EBF3: variants seen among roughly 807,000 people sequenced by gnomAD.
The protein encoded by EBF3 is EBF transcription factor 3.
A neutral mutation model predicts 77.1 loss-of-function variants in EBF3; 18 were observed. The observed-to-expected ratio is 0.23, with a 90% CI of 0.16 to 0.35. EBF3 has a LOEUF of 0.35. Ranked by LOEUF, EBF3 falls within the 10% of genes least tolerant of loss-of-function variation. EBF3 has a pLI of 1.00. For missense variants in EBF3, 558 were observed against 860.0 expected, an observed-to-expected ratio of 0.65 and a Z score of 4.39; for synonymous variants, 350 against 343.5, an observed-to-expected ratio of 1.02 and a Z score of -0.21.
At position 129,848,372 on chromosome 10, in the gene EBF3, C is replaced by T; in HGVS notation, c.1128+20G>A. 4 of 1,613,176 alleles carry T rather than the reference C, an allele frequency of 2.5e-6. No individual in the cohort carries two copies. The highest frequency in any genetic ancestry group is 3.4e-6 in the Non-Finnish European group (4 of 1,179,158). On this transcript the variant is annotated intron_variant, in intron 11 of 16. Transcript: ENST00000440978. The surrounding 1 kb of genome is among the most constrained non-coding windows in gnomAD (Gnocchi z 4.4). ...TGGCGGCCCCACCATGAGCGGGGTG[C>T]CACTTGCTCTTTTACTAACCTTGGG...
rs1491498662 is a variant in EBF3, at chr10:129,835,860, AAC to A, written c.*2081_*2082del. The stretch of plus-strand genomic sequence containing the variant: ...TGCAAAGGAGAAAGAAAAAAAAAAA[AAC>A]ACCTGACACTTTTGGTCTCACTGTG... On this transcript the variant is annotated 3_prime_UTR_variant, in exon 17 of 17. Transcript: ENST00000440978. The A allele has an allele frequency of 4.6e-5, 7 of 152,502 alleles. No homozygotes were observed. Among genetic ancestry groups the A allele is most frequent in the African/African-American group, 1.4e-4 (6 of 41,380 alleles). The allele number at this position is 152,502 out of a possible 1,614,324, so 9.4% of individuals were successfully genotyped here.
At chr10:129,875,576 T>G (rs1317925455) in intron 7 of EBF3, among the ~76,000 whole-genome samples, 2 of 152,326 alleles carry the variant, frequency 1.3e-5, no homozygotes, top group Middle Eastern at 3.4e-3. Context: ...CCAAATGCCC[T>G]CATCGGGGGC....
At chr10:129,876,307 C>T (rs533858674) in intron 7 of EBF3, among the ~76,000 whole-genome samples, 96 of 152,330 alleles carry the variant, frequency 6.3e-4, no homozygotes, top group African/African-American at 2.2e-3. Context: ...TGCAGTCAAC[C>T]ACGAGATCAC....
At chr10:129,895,861 T>C (rs548036575) in intron 6 of EBF3, among the ~76,000 whole-genome samples, 2 of 152,258 alleles carry the variant, frequency 1.3e-5, no homozygotes, top group African/African-American at 4.8e-5. Flanking sequence ...TCAGGAGAGG[T>C]AATTAACTGT....
intron 6 of EBF3, among the ~76,000 whole-genome samples, chr10:129,912,183 C>T (rs1300918636): frequency 3.3e-5 from 5 of 152,164 alleles, no homozygotes; most frequent in Non-Finnish European, 7.3e-5. Flanking sequence ...CATGGAATAT[C>T]GCCCTCCACT....
chr10:129,895,142 C>T (rs1854280467), intron 6 of EBF3, among the ~76,000 whole-genome samples: 1 of 152,238 alleles, frequency 6.6e-6, no homozygotes, highest in Admixed American at 6.5e-5. Flanking sequence ...GCCGAGATTC[C>T]ATTCGTCCAT....
intron 5 of EBF3, among the ~76,000 whole-genome samples, chr10:129,958,562 C>G (rs960273564): frequency 6.6e-6 from 1 of 152,194 alleles, no homozygotes; most frequent in African/African-American, 2.4e-5. Flanking sequence ...TTATCAATAA[C>G]AGACAATTGT....
At chr10:129,945,541 G>T (rs575261061) in intron 6 of EBF3, among the ~76,000 whole-genome samples, 13 of 152,194 alleles carry the variant, frequency 8.5e-5, no homozygotes, top group Admixed American at 2.0e-4. Context: ...GGAACCTAAT[G>T]AGTTTACTAA....
intron 6 of EBF3, among the ~76,000 whole-genome samples, chr10:129,889,852 G>A (rs1853885660): frequency 6.7e-6 from 1 of 149,476 alleles, no homozygotes; most frequent in African/African-American, 2.5e-5. Context: ...ACATGCAGAG[G>A]CAGCCCCCGA....
In EBF3 at chr10:129,964,238, G is replaced by T. The variant is rs1859758904; in HGVS notation, c.-470C>A. 1.0e-6 allele frequency: 1 copy of T among 984,832 alleles called. No homozygotes were observed. The highest frequency in any genetic ancestry group is 1.2e-6 in the Non-Finnish European group (1 of 829,776). The allele number at this position is 984,832 out of a possible 1,614,324, so 61.0% of individuals were successfully genotyped here. On this transcript the variant is annotated 5_prime_UTR_variant, in exon 1 of 17. Coordinates refer to ENST00000440978, the MANE Select transcript of EBF3 (RefSeq NM_001375380.1). The surrounding 1 kb of genome is among the most constrained non-coding windows in gnomAD (Gnocchi z 4.5). ...CCTGGAGCGGCGCGCGCAGCGGACG[G>T]AGGCGCACAAAACTCAGCCCTCTCT...
At chr10:129,872,971 C>T (rs1400511944) in intron 8 of EBF3, among the ~76,000 whole-genome samples, 1 of 152,136 alleles carries the variant, frequency 6.6e-6, no homozygotes, top group Non-Finnish European at 1.5e-5. Context: ...ATTTCACCCC[C>T]TCCTCCTTGC....
chr10:129,892,830 G>A (rs926279679), intron 6 of EBF3, among the ~76,000 whole-genome samples: 1 of 152,204 alleles, frequency 6.6e-6, no homozygotes, highest in Non-Finnish European at 1.5e-5. Context: ...TGATGAAAAC[G>A]CTTTCCCAAT....
intron 6 of EBF3, among the ~76,000 whole-genome samples, chr10:129,919,863 T>A (rs1856146673): frequency 6.6e-6 from 1 of 152,160 alleles, no homozygotes; most frequent in Non-Finnish European, 1.5e-5. Flanking sequence ...GCCAGGAGTC[T>A]GCCCAGTGCC....
intron 6 of EBF3, among the ~76,000 whole-genome samples, chr10:129,917,847 C>T (rs1438419383): frequency 1.3e-5 from 2 of 152,214 alleles, no homozygotes; most frequent in South Asian, 2.1e-4. Flanking sequence ...TCAAGCTCCT[C>T]ATCTTTAAAA....
chr10:129,868,508 C>T (rs375114891), intron 8 of EBF3, among the ~76,000 whole-genome samples: 4 of 152,336 alleles, frequency 2.6e-5, no homozygotes, highest in Middle Eastern at 3.4e-3. Context: ...GGGATCCCCG[C>T]GCCGCTGGCG....
At chr10:129,874,949 C>T (rs1214886570) in intron 7 of EBF3, among the ~76,000 whole-genome samples, 6 of 152,006 alleles carry the variant, frequency 3.9e-5, no homozygotes, top group East Asian at 1.9e-4. Context: ...GGTACACGGG[C>T]GATCTCTGTA....
chr10:129,924,440 A>C (rs1051642793), intron 6 of EBF3, among the ~76,000 whole-genome samples: 19 of 133,512 alleles, frequency 1.4e-4, no homozygotes, highest in South Asian at 2.5e-4. Context: ...CAAAAAAAAA[A>C]AAAAACAAAA....
intron 6 of EBF3, among the ~76,000 whole-genome samples, chr10:129,937,817 C>G (rs900739874): frequency 6.6e-6 from 1 of 152,196 alleles, no homozygotes; most frequent in African/African-American, 2.4e-5. Flanking sequence ...GCCACACTTT[C>G]CCCAAGACGT....
intron 6 of EBF3, among the ~76,000 whole-genome samples, chr10:129,922,827 G>A (rs1187212393): frequency 6.6e-6 from 1 of 152,220 alleles, no homozygotes; most frequent in African/African-American, 2.4e-5. Flanking sequence ...CCAGGGGGCT[G>A]AAGAAAGGAA....
Sources: allele counts gnomAD v4.1 joint callset (sites outside exome capture counted in the v4.1 genomes callset), GRCh38; gene constraint gnomAD v4.1.1; non-coding constraint Gnocchi (gnomAD v3.1); transcripts MANE v1.5; gene names NCBI Gene and HGNC (gene_info 2026-07-23, HGNC 2026-07-21).